Variants in IGSF3 observed in about 807,000 individuals in gnomAD.
The protein encoded by IGSF3 is immunoglobulin superfamily member 3.
IGSF3 carries 23 observed loss-of-function variants against 114.4 expected under a neutral mutation model. The ratio of observed to expected loss-of-function variants is 0.20; its 90% CI spans 0.14 to 0.28. The LOEUF (loss-of-function observed/expected upper bound fraction) is 0.28. IGSF3 is among the 10% of genes least tolerant of loss of function. The pLI is 1.00. For missense variants in IGSF3, 1,172 were observed against 1,591.5 expected (o/e 0.74, Z 4.48); for synonymous variants, 571 against 645.2 (o/e 0.88, Z 1.74).
rs997221276 is a variant in IGSF3 at position 116,662,196 on chromosome 1, G to C, written c.43+4088C>G. On this transcript the variant is annotated intron_variant, in intron 2 of 10. Transcript: ENST00000369486. This position sits in a 1 kb window ranked among gnomAD's most constrained non-coding sequence, Gnocchi z 4.3. ...AGCGATTCTCCTGCCTCAGCCTCCC[G>C]AGTAGCTGGGATTACAGGAATGTGC... Among the ~76,000 whole-genome samples, 5 of 151,886 alleles carry C rather than the reference G, an allele frequency of 3.3e-5. No homozygotes were observed. In the East Asian group the frequency reaches 9.7e-4, roughly 29 times the overall value.
At chr1:116,658,827 C>T (rs1458811027) in intron 2 of IGSF3, among the ~76,000 whole-genome samples, 1 of 152,232 alleles carries the variant, frequency 6.6e-6, no homozygotes, top group Non-Finnish European at 1.5e-5. Flanking sequence ...GACACCTACC[C>T]TCAGTGAACA....
rs2336270 is a variant in IGSF3, at chr1:116,622,532, G to A, written c.44-6075C>T. The stretch of plus-strand genomic sequence containing the variant: ...AACATTGATGATACTGGGCTGAATC[G>A]CTGAATGGTGAGAATTTGAGTGATT... On this transcript the variant is annotated intron_variant, in intron 2 of 10. Coordinates refer to ENST00000369486, the MANE Select transcript of IGSF3 (RefSeq NM_001007237.3). Among the ~76,000 whole-genome samples the A allele has an allele frequency of 4.6e-5, 7 of 151,212 alleles. No individual in the cohort carries two copies. The East Asian group carries it at 1.2e-3, about 25-fold the overall frequency.
In IGSF3 at chr1:116,600,675, T is replaced by G. The variant is rs920944359; in HGVS notation, c.1625-330A>C. On this transcript the variant is annotated intron_variant, in intron 6 of 10. Transcript: ENST00000369486. The surrounding 1 kb of genome is among the most constrained non-coding windows in gnomAD (Gnocchi z 5.5). ...GATTGCATGTAGGCAGGGTTGCTCCTAGAAATCTTGAGATTCCATGAGAGA... is the reference window on the plus strand; with the variant it reads ...GATTGCATGTAGGCAGGGTTGCTCCGAGAAATCTTGAGATTCCATGAGAGA... 6.6e-6 allele frequency among the ~76,000 whole-genome samples: 1 copy of G among 152,158 alleles called. No individual in the cohort carries two copies. The highest frequency in any genetic ancestry group is 2.4e-5 in the African/African-American group (1 of 41,436).
chr1:116,622,990 T>C (rs78717435), intron 2 of IGSF3, among the ~76,000 whole-genome samples: 1 of 152,240 alleles, frequency 6.6e-6, no homozygotes, highest in African/African-American at 2.4e-5. Context: ...CATGCTGAAT[T>C]GGTGGAGTCC....
At chr1:116,590,051 G>C (rs1229426984) in intron 7 of IGSF3, among the ~76,000 whole-genome samples, 2 of 152,098 alleles carry the variant, frequency 1.3e-5, no homozygotes, top group Non-Finnish European at 2.9e-5. Context: ...GGTAATTAGA[G>C]GATGCTGCGG....
Position 116,661,282 on chromosome 1 carries a change from G to C in IGSF3, c.43+5002C>G, listed in dbSNP as rs1178983797. ...CACTCCAGCCTGAGCAACAGTGTGA[G>C]ACTCCATCTCAAAAAAAATAAAATA... On this transcript the variant is annotated intron_variant, in intron 2 of 10. Transcript: ENST00000369486. The surrounding 1 kb of genome is among the most constrained non-coding windows in gnomAD (Gnocchi z 4.0). Among the ~76,000 whole-genome samples, 8 of 151,638 alleles carry C rather than the reference G, an allele frequency of 5.3e-5. No individual in the cohort carries two copies. Among genetic ancestry groups the C allele is most frequent in the Non-Finnish European group, 1.2e-4 (8 of 68,042 alleles).
intron 2 of IGSF3, among the ~76,000 whole-genome samples, chr1:116,626,252 T>TAA (rs146223155): frequency 6.7e-6 from 1 of 149,524 alleles, no homozygotes; most frequent in African/African-American, 2.4e-5. Context: ...TCTCCAGACT[T>TAA]AAAAAAAAAA....
chr1:116,628,721 G>T lies in IGSF3; in HGVS notation c.44-12264C>A, dbSNP rs1647418379. 6.6e-6 allele frequency among the ~76,000 whole-genome samples: 1 copy of T among 152,188 alleles called. No homozygotes were observed. Among genetic ancestry groups the T allele is most frequent in the East Asian group, 1.9e-4 (1 of 5,200 alleles). ...GCACGTGTTACGTATGATAATAATG[G>T]ATGGCCGCTCCTTCCCCCTCAGCTT... On this transcript the variant is annotated intron_variant, in intron 2 of 10. Transcript: ENST00000369486. The surrounding 1 kb of genome is among the most constrained non-coding windows in gnomAD (Gnocchi z 4.2).
At chr1:116,626,303 C>T (rs1200529357) in intron 2 of IGSF3, among the ~76,000 whole-genome samples, 1 of 151,876 alleles carries the variant, frequency 6.6e-6, no homozygotes, top group Non-Finnish European at 1.5e-5. Context: ...GAAAAATACA[C>T]ATTATTTTTC....
Position 116,607,820 on chromosome 1 carries a change from T to C in IGSF3, c.1222+122A>G. On this transcript the variant is annotated intron_variant, in intron 5 of 10. Coordinates refer to ENST00000369486, the MANE Select transcript of IGSF3 (RefSeq NM_001007237.3). This position sits in a 1 kb window ranked among gnomAD's most constrained non-coding sequence, Gnocchi z 6.1. The stretch of plus-strand genomic sequence containing the variant: ...GGCTCAATGGTTTTTCCCCCAGCTC[T>C]GCATTAACCTCGAGGGTTCCATCTG... The C allele has an allele frequency of 1.0e-6, 1 of 962,058 alleles. No individual in the cohort carries two copies. The highest frequency in any genetic ancestry group is 1.6e-6 in the Non-Finnish European group (1 of 623,294). 59.6% of individuals were successfully genotyped at this position (962,058 alleles called of 1,614,324 possible).
At chr1:116,643,223 G>A (rs182158245) in intron 2 of IGSF3, among the ~76,000 whole-genome samples, 13 of 152,298 alleles carry the variant, frequency 8.5e-5, no homozygotes, top group Admixed American at 8.5e-4. Flanking sequence ...CACACAGCTA[G>A]TCCTGGATAA....
At position 116,616,541 on chromosome 1, in the gene IGSF3, G is replaced by A. The variant is rs1661226780; in HGVS notation, c.44-84C>T. The stretch of plus-strand genomic sequence containing the variant: ...GTAGCCAGCAATCTCCAAAGGGTTT[G>A]TTATTTGTGTGACATGATAATAATA... On this transcript the variant is annotated intron_variant, in intron 2 of 10. Coordinates refer to ENST00000369486, the MANE Select transcript of IGSF3 (RefSeq NM_001007237.3). This position sits in a 1 kb window ranked among gnomAD's most constrained non-coding sequence, Gnocchi z 6.6. The A allele has an allele frequency of 3.3e-6, 4 of 1,217,252 alleles. No homozygotes were observed. Among genetic ancestry groups the A allele is most frequent in the Non-Finnish European group, 4.6e-6 (4 of 867,258 alleles). 75.4% of individuals were successfully genotyped at this position (1,217,252 alleles called of 1,614,324 possible). A position where few individuals can be genotyped will look rare whatever the true frequency, so the allele number is the denominator to read the frequency against.
At chr1:116,639,653 T>C (rs1647993528) in intron 2 of IGSF3, among the ~76,000 whole-genome samples, 1 of 152,234 alleles carries the variant, frequency 6.6e-6, no homozygotes, top group Non-Finnish European at 1.5e-5. Flanking sequence ...GTCAAAGCAT[T>C]AGAGCTTCAT....
In IGSF3 at chr1:116,585,072, A is replaced by ACGT; in HGVS notation, c.2441-23_2441-21dup. ...GGCTGTCTGGAACAGTAAGGAAGAG[A>ACGT]CGTCAGCGACAAAAGGACAACAAGC... On this transcript the variant is annotated intron_variant, in intron 8 of 10. Coordinates refer to ENST00000369486, the MANE Select transcript of IGSF3 (RefSeq NM_001007237.3). This position sits in a 1 kb window ranked among gnomAD's most constrained non-coding sequence, Gnocchi z 4.9. 4.7e-6 allele frequency: 7 copies of ACGT among 1,502,756 alleles called. No homozygotes were observed. Among genetic ancestry groups the ACGT allele is most frequent in the Non-Finnish European group, 5.3e-6 (6 of 1,125,322 alleles). The allele number at this position is 1,502,756 out of a possible 1,614,324, so 93.1% of individuals were successfully genotyped here.
In IGSF3 at chr1:116,665,486, GT is replaced by G. The variant is rs1223970526; in HGVS notation, c.43+797del. Among the ~76,000 whole-genome samples the G allele has an allele frequency of 6.6e-6, 1 of 152,186 alleles. No homozygotes were observed. The highest frequency in any genetic ancestry group is 1.5e-5 in the Non-Finnish European group (1 of 68,020). On this transcript the variant is annotated intron_variant, in intron 2 of 10. Transcript: ENST00000369486. This position sits in a 1 kb window ranked among gnomAD's most constrained non-coding sequence, Gnocchi z 4.0. ...GTTCTAAGACAGCACGCTGAAGACAGTGCTCAATGGCATAAAAAGAATAGGC... is the reference window on the plus strand; with the variant it reads ...GTTCTAAGACAGCACGCTGAAGACAGGCTCAATGGCATAAAAAGAATAGGC...
rs1648238630 is a variant in IGSF3 at position 116,644,292 on chromosome 1, T to C, written c.43+21992A>G. 6.6e-6 allele frequency among the ~76,000 whole-genome samples: 1 copy of C among 152,214 alleles called. No homozygotes were observed. The highest frequency in any genetic ancestry group is 2.1e-4 in the South Asian group (1 of 4,836). On this transcript the variant is annotated intron_variant, in intron 2 of 10. Coordinates refer to ENST00000369486, the MANE Select transcript of IGSF3 (RefSeq NM_001007237.3). The surrounding 1 kb of genome is among the most constrained non-coding windows in gnomAD (Gnocchi z 5.6). ...CATCAGGGACCTCACAGGAAAACAA[T>C]GCAGAAAACTGCAGTCATTTGGCCG...
rs1324771788 is a variant in IGSF3, at chr1:116,588,315, G to T, written c.2440+379C>A. ...AAAACCAGAAAATGCCTTCTAGGTA[G>T]GAACTCTGGGTGTGGAGCTGGTGTC... On this transcript the variant is annotated intron_variant, in intron 8 of 10. Transcript: ENST00000369486. The surrounding 1 kb of genome is among the most constrained non-coding windows in gnomAD (Gnocchi z 4.9). Among the ~76,000 whole-genome samples, 4 of 152,180 alleles carry T rather than the reference G, an allele frequency of 2.6e-5. No homozygotes were observed. Among genetic ancestry groups the T allele is most frequent in the African/African-American group, 7.2e-5 (3 of 41,446 alleles).
intron 4 of IGSF3, 142 bp from the exon 5 acceptor site, chr1:116,608,473 T>A (rs1660886297): frequency 1.5e-6 from 1 of 677,652 alleles, no homozygotes; most frequent in Non-Finnish European, 2.5e-6. Context: ...AGCTTGAGAG[T>A]AAAATCCAAC....
At chr1:116,586,643 T>C (rs1337773257) in intron 8 of IGSF3, among the ~76,000 whole-genome samples, 4 of 152,118 alleles carry the variant, frequency 2.6e-5, no homozygotes, top group Non-Finnish European at 5.9e-5. Flanking sequence ...CTTAGCTTGA[T>C]TGTAGTCTCA....
Sources: allele counts gnomAD v4.1 joint callset (sites outside exome capture counted in the v4.1 genomes callset), GRCh38; gene constraint gnomAD v4.1.1; non-coding constraint Gnocchi (gnomAD v3.1); transcripts MANE v1.5; gene names NCBI Gene and HGNC (gene_info 2026-07-23, HGNC 2026-07-21).